The following MDGA2 variants were observed in gnomAD, a reference collection of about 807,000 sequenced individuals.
The protein encoded by MDGA2 is MAM domain containing glycosylphosphatidylinositol anchor 2.
In MDGA2, 40 loss-of-function variants were observed where a neutral mutation model predicts 117.8. The observed-to-expected ratio is 0.34, with a 90% CI of 0.26 to 0.44. The LOEUF (loss-of-function observed/expected upper bound fraction) is 0.44, where lower values mean the gene tolerates loss of function less well. Ranked by LOEUF, MDGA2 falls within the 20% of genes least tolerant of loss-of-function variation. The pLI, the probability that MDGA2 is intolerant of heterozygous loss-of-function variation, is 1.00. For missense variants in MDGA2, 1,123 were observed against 1,250.6 expected (o/e 0.90, Z 1.54); for synonymous variants, 452 against 439.0 (o/e 1.03, Z -0.37).
At chr14:47,026,051 T>C (rs1888462765) in intron 8 of MDGA2, among the ~76,000 whole-genome samples, 1 of 152,166 alleles carries the variant, frequency 6.6e-6, no homozygotes, top group African/African-American at 2.4e-5. Context: ...GTAAAGTTAT[T>C]AGTGTCACAT....
intron 1 of MDGA2, among the ~76,000 whole-genome samples, chr14:47,409,154 A>G (rs1892320826): frequency 6.6e-6 from 1 of 152,152 alleles, no homozygotes; most frequent in African/African-American, 2.4e-5. Context: ...GATGTAGAGA[A>G]AGCAAATAAT....
intron 1 of MDGA2, among the ~76,000 whole-genome samples, chr14:47,541,020 A>G (rs1387250227): frequency 6.6e-6 from 1 of 152,158 alleles, no homozygotes; most frequent in African/African-American, 2.4e-5. Context: ...TCATCCTACA[A>G]TCTAAGATTA....
At chr14:47,333,749 AT>A (rs1330878447) in intron 1 of MDGA2, among the ~76,000 whole-genome samples, 1 of 151,804 alleles carries the variant, frequency 6.6e-6, no homozygotes, top group African/African-American at 2.4e-5. Context: ...AAATAAGATA[AT>A]TTCACAGATA....
At chr14:46,998,404 C>A (rs1033034785) in intron 8 of MDGA2, among the ~76,000 whole-genome samples, 1 of 152,030 alleles carries the variant, frequency 6.6e-6, no homozygotes, top group Admixed American at 6.6e-5. Flanking sequence ...TATAAACATA[C>A]GTATTAGAGG....
At chr14:47,629,407 A>T (rs1482255600) in intron 1 of MDGA2, among the ~76,000 whole-genome samples, 1 of 152,206 alleles carries the variant, frequency 6.6e-6, no homozygotes, top group Non-Finnish European at 1.5e-5. Context: ...AGGCTAAGTA[A>T]TACATTATTG....
chr14:47,483,903 C>A (rs1251177952), intron 1 of MDGA2, among the ~76,000 whole-genome samples: 1 of 152,096 alleles, frequency 6.6e-6, no homozygotes, highest in Non-Finnish European at 1.5e-5. Context: ...CACTCCTCAG[C>A]AATTTTTACT....
intron 6 of MDGA2, among the ~76,000 whole-genome samples, chr14:47,064,307 G>T (rs1405462576): frequency 6.6e-6 from 1 of 151,968 alleles, no homozygotes; most frequent in Admixed American, 6.6e-5. Context: ...AAGGGAAAAA[G>T]AGAAACAAGT....
intron 3 of MDGA2, among the ~76,000 whole-genome samples, chr14:47,191,368 A>G (rs969005285): frequency 6.7e-6 from 1 of 150,294 alleles, no homozygotes; most frequent in African/African-American, 2.4e-5. Context: ...TCTACAAAAT[A>G]CATTAGCTTC....
At chr14:47,500,362 A>G (rs1330146249) in intron 1 of MDGA2, among the ~76,000 whole-genome samples, 1 of 152,168 alleles carries the variant, frequency 6.6e-6, no homozygotes, top group East Asian at 1.9e-4. Context: ...TGGTAATAAG[A>G]AAATCAACAC....
intron 1 of MDGA2, among the ~76,000 whole-genome samples, chr14:47,610,087 G>A (rs1896820345): frequency 2.0e-5 from 3 of 152,044 alleles, no homozygotes; most frequent in Admixed American, 2.0e-4. Context: ...CATCTCAATA[G>A]ATGCAGAAAA....
chr14:47,187,637 T>C (rs749290808), intron 3 of MDGA2, among the ~76,000 whole-genome samples: 18 of 152,132 alleles, frequency 1.2e-4, no homozygotes, highest in Non-Finnish European at 2.2e-4. Context: ...TTAATAGATA[T>C]GTTGATTGTT....
chr14:47,445,778 TG>T (rs1893109452), intron 1 of MDGA2, among the ~76,000 whole-genome samples: 1 of 152,142 alleles, frequency 6.6e-6, no homozygotes, highest in Non-Finnish European at 1.5e-5. Context: ...GAAAAATTGC[TG>T]CACACCAACT....
chr14:47,201,142 T>G, intron 3 of MDGA2: 1 of 723,538 alleles, frequency 1.4e-6, no homozygotes, highest in Admixed American at 1.9e-5. Context: ...TTTCTATTTT[T>G]ATTGCATTAG....
intron 14 of MDGA2, among the ~76,000 whole-genome samples, chr14:46,860,281 C>A (rs1371748381): frequency 2.6e-5 from 4 of 151,958 alleles, no homozygotes; most frequent in Non-Finnish European, 5.9e-5. Context: ...TATATTATTT[C>A]TCATATAATC....
chr14:47,013,911 T>G (rs1350565058), intron 8 of MDGA2, among the ~76,000 whole-genome samples: 1 of 150,656 alleles, frequency 6.6e-6, no homozygotes, highest in African/African-American at 2.4e-5. Context: ...TTGTCCTGCC[T>G]CAGCCACCCA....
chr14:47,093,944 A>G (rs569694953), intron 6 of MDGA2, among the ~76,000 whole-genome samples: 11 of 152,188 alleles, frequency 7.2e-5, no homozygotes, highest in African/African-American at 2.4e-4. Flanking sequence ...CTAGATTTCT[A>G]TATCTACTGT....
intron 10 of MDGA2, among the ~76,000 whole-genome samples, chr14:46,894,308 T>C (rs149654638): frequency 6.6e-6 from 1 of 152,140 alleles, no homozygotes; most frequent in South Asian, 2.1e-4. Flanking sequence ...CAGGCTACTC[T>C]TGTAATCTTA....
At chr14:47,218,604 A>C (rs1412398997) in intron 2 of MDGA2, among the ~76,000 whole-genome samples, 7 of 151,988 alleles carry the variant, frequency 4.6e-5, no homozygotes, top group Non-Finnish European at 1.0e-4. Flanking sequence ...TTCTCATTTT[A>C]TTTTTGGACA....
chr14:47,183,638 A>G (rs180670657), intron 3 of MDGA2, among the ~76,000 whole-genome samples: 2 of 152,256 alleles, frequency 1.3e-5, no homozygotes, highest in East Asian at 3.9e-4. Context: ...ATAATAGCAT[A>G]TTTATTGATC....
Sources: gnomAD v4.1 joint callset for allele counts (sites outside exome capture counted in the v4.1 genomes callset) on GRCh38, gnomAD v4.1.1 for gene constraint, MANE v1.5 for transcripts, NCBI Gene and HGNC (gene_info 2026-07-23, HGNC 2026-07-21) for gene names.